RIMS2: variants seen among roughly 807,000 people sequenced by gnomAD.
The protein encoded by RIMS2 is regulating synaptic membrane exocytosis protein 2.
In RIMS2, 59 loss-of-function variants were observed where a neutral mutation model predicts 174.4. That is an observed-to-expected ratio of 0.34 (90% confidence interval 0.27 to 0.42). The LOEUF (loss-of-function observed/expected upper bound fraction) is 0.42, where lower values mean the gene tolerates loss of function less well. Ranked by LOEUF, RIMS2 falls within the 10% of genes least tolerant of loss-of-function variation. RIMS2 has a pLI of 1.00. For synonymous variants in RIMS2, 606 were observed against 572.5 expected (o/e 1.06, Z -0.84); for missense variants, 1,620 against 1,666.3 (o/e 0.97, Z 0.48).
chr8:104,164,844 T>C (rs1430070840), intron 19 of RIMS2, among the ~76,000 whole-genome samples: 1 of 152,094 alleles, frequency 6.6e-6, no homozygotes, highest in Non-Finnish European at 1.5e-5. Context: ...GAAATGTAAC[T>C]AATGGGTACT....
At chr8:104,194,111 A>G (rs2099011753) in intron 19 of RIMS2, among the ~76,000 whole-genome samples, 1 of 152,016 alleles carries the variant, frequency 6.6e-6, no homozygotes, top group South Asian at 2.1e-4. Flanking sequence ...GTACTTTCCC[A>G]TGGCAAATAA....
intron 19 of RIMS2, among the ~76,000 whole-genome samples, chr8:104,061,668 G>A (rs1326392067): frequency 1.3e-5 from 2 of 150,024 alleles, no homozygotes; most frequent in African/African-American, 2.4e-5. Context: ...TCTAAGCTAT[G>A]CTACTATTTT....
At chr8:104,221,780 A>T (rs2099156489) in intron 19 of RIMS2, among the ~76,000 whole-genome samples, 3 of 152,202 alleles carry the variant, frequency 2.0e-5, no homozygotes, top group African/African-American at 7.2e-5. Context: ...TAAAAGGATT[A>T]TTACTTGTAT....
At chr8:104,050,495 A>G (rs1246593274) in intron 19 of RIMS2, among the ~76,000 whole-genome samples, 1 of 152,176 alleles carries the variant, frequency 6.6e-6, no homozygotes, top group Non-Finnish European at 1.5e-5. Context: ...AGAAGACTAA[A>G]CCAGAAGAGT....
At chr8:104,149,496 C>G (rs991171731) in intron 19 of RIMS2, among the ~76,000 whole-genome samples, 2 of 152,188 alleles carry the variant, frequency 1.3e-5, no homozygotes, top group South Asian at 2.1e-4. Flanking sequence ...TTATATACAA[C>G]ACTCCTACTC....
chr8:103,704,963 CT>C (rs1432231855), intron 2 of RIMS2, among the ~76,000 whole-genome samples: 1 of 151,580 alleles, frequency 6.6e-6, no homozygotes, highest in Non-Finnish European at 1.5e-5. Context: ...GTTATTCCTG[CT>C]TTTTTATTAT....
chr8:103,803,767 G>T (rs959234647), intron 3 of RIMS2, among the ~76,000 whole-genome samples: 2 of 152,194 alleles, frequency 1.3e-5, no homozygotes, highest in African/African-American at 4.8e-5. Context: ...AGGGCTGTGA[G>T]AGAGCCATGT....
intron 19 of RIMS2, among the ~76,000 whole-genome samples, chr8:104,058,510 T>G (rs902647595): frequency 6.7e-6 from 1 of 149,564 alleles, no homozygotes; most frequent in Non-Finnish European, 1.5e-5. Context: ...TTCTCCCATG[T>G]TGTAGGTTGC....
intron 19 of RIMS2, among the ~76,000 whole-genome samples, chr8:104,137,009 A>T (rs1445629678): frequency 6.6e-6 from 1 of 152,216 alleles, no homozygotes; most frequent in Non-Finnish European, 1.5e-5. Flanking sequence ...TTAACAAATT[A>T]GTCTATGAAA....
At chr8:103,683,632 GT>G (rs1186277568) in intron 1 of RIMS2, among the ~76,000 whole-genome samples, 1 of 152,162 alleles carries the variant, frequency 6.6e-6, no homozygotes, top group East Asian at 1.9e-4. Context: ...TCCCAATGGG[GT>G]TTAGTCATTT....
chr8:103,895,490 A>G (rs1205339237), intron 4 of RIMS2, among the ~76,000 whole-genome samples: 1 of 151,464 alleles, frequency 6.6e-6, no homozygotes, highest in Non-Finnish European at 1.5e-5. Context: ...TAAAGGTACT[A>G]ATTCCATCAT....
At chr8:104,090,522 A>G (rs964662362) in intron 19 of RIMS2, among the ~76,000 whole-genome samples, 12 of 151,810 alleles carry the variant, frequency 7.9e-5, no homozygotes, top group African/African-American at 2.9e-4. Context: ...AAAACCAATC[A>G]GGAAAGCTGG....
At chr8:104,197,236 C>T (rs1042947784) in intron 19 of RIMS2, among the ~76,000 whole-genome samples, 3 of 148,096 alleles carry the variant, frequency 2.0e-5, no homozygotes, top group African/African-American at 5.0e-5. Flanking sequence ...AGTACAATGG[C>T]GTGAACTTGG....
intron 1 of RIMS2, among the ~76,000 whole-genome samples, chr8:103,545,489 A>G (rs1024929163): frequency 2.0e-5 from 3 of 152,230 alleles, no homozygotes; most frequent in Non-Finnish European, 4.4e-5. Flanking sequence ...CAACTTTCCT[A>G]GAGAGGTGAA....
intron 19 of RIMS2, among the ~76,000 whole-genome samples, chr8:104,034,460 ATC>A (rs1161278671): frequency 7.4e-6 from 1 of 135,492 alleles, no homozygotes; most frequent in Non-Finnish European, 1.6e-5. Flanking sequence ...TACTTGCAGT[ATC>A]TTTTTTTTTT....
chr8:103,587,143 A>C (rs2093967267), intron 1 of RIMS2, among the ~76,000 whole-genome samples: 1 of 152,048 alleles, frequency 6.6e-6, no homozygotes, highest in Non-Finnish European at 1.5e-5. Context: ...ACAACCTACC[A>C]AGATTGAACC....
chr8:104,136,110 A>G (rs1178977968), intron 19 of RIMS2, among the ~76,000 whole-genome samples: 3 of 152,204 alleles, frequency 2.0e-5, no homozygotes, highest in African/African-American at 2.4e-5. Context: ...CTGTCTACTC[A>G]ATATACAAAT....
Position 103,539,200 on chromosome 8 carries a change from ACT to A in RIMS2, c.176+38141_176+38142del, listed in dbSNP as rs142414981. On this transcript the variant is annotated intron_variant, in intron 1 of 23. Coordinates refer to ENST00000504942, the Ensembl canonical transcript of RIMS2. Reference sequence around the variant, plus strand: ...TCTCCAGCTTGAGCAACACAATGAGACTCTGCTGCTGAGAAAAAGATGACATT... The same window carrying A: ...TCTCCAGCTTGAGCAACACAATGAGACTGCTGCTGAGAAAAAGATGACATT... 4.8e-3 allele frequency among the ~76,000 whole-genome samples: 736 copies of A among 152,182 alleles called. 7 individuals are homozygous for A. Among genetic ancestry groups the A allele is most frequent in the African/African-American group, 0.017 (710 of 41,536 alleles).
chr8:104,160,641 C>G (rs890748061), intron 19 of RIMS2, among the ~76,000 whole-genome samples: 9 of 152,112 alleles, frequency 5.9e-5, no homozygotes, highest in Non-Finnish European at 1.2e-4. Flanking sequence ...TAATAATTTG[C>G]TAATGTATTC....
Sources: allele counts gnomAD v4.1 joint callset (sites outside exome capture counted in the v4.1 genomes callset), GRCh38; gene constraint gnomAD v4.1.1; transcripts MANE v1.5; gene names NCBI Gene and HGNC (gene_info 2026-07-23, HGNC 2026-07-21).